Variants in CAMTA1 observed in about 807,000 individuals in gnomAD.
The protein encoded by CAMTA1 is calmodulin binding transcription activator 1, also known as calmodulin-binding transcription activator 1.
A neutral mutation model predicts 170.9 loss-of-function variants in CAMTA1; 27 were observed. That is an observed-to-expected ratio of 0.16 (90% CI 0.12 to 0.22). The LOEUF is 0.22. Among genes scored for constraint, CAMTA1 ranks in the 10% least tolerant of loss-of-function variants. The pLI, the probability that CAMTA1 is intolerant of heterozygous loss-of-function variation, is 1.00. For synonymous variants in CAMTA1, 833 were observed against 891.5 expected (o/e 0.93, Z 1.17); for missense variants, 1,619 against 2,217.2 (o/e 0.73, Z 5.42).
chr1:7,255,900 T>A (rs191998358), intron 5 of CAMTA1, among the ~76,000 whole-genome samples: 1 of 152,322 alleles, frequency 6.6e-6, no homozygotes, highest in African/African-American at 2.4e-5. Context: ...AGGTCTTTGG[T>A]TTCAGAAGTG....
intron 3 of CAMTA1, among the ~76,000 whole-genome samples, chr1:6,830,067 C>T (rs1423117823): frequency 1.3e-5 from 2 of 150,460 alleles, no homozygotes; most frequent in East Asian, 3.9e-4. Context: ...GACGGAGTCT[C>T]GCTCTGTCGC....
intron 5 of CAMTA1, among the ~76,000 whole-genome samples, chr1:7,386,539 T>C (rs927549194): frequency 6.6e-6 from 1 of 152,150 alleles, no homozygotes; most frequent in African/African-American, 2.4e-5. Flanking sequence ...GTTCTTGGCC[T>C]TCTCTCTCCA....
At chr1:7,586,343 G>A (rs114671887) in intron 6 of CAMTA1, among the ~76,000 whole-genome samples, 1 of 152,174 alleles carries the variant, frequency 6.6e-6, no homozygotes, top group African/African-American at 2.4e-5. Flanking sequence ...AGTCCTCCCC[G>A]TTATCGCAGA....
chr1:6,802,783 G>A (rs1464164782), intron 1 of CAMTA1, among the ~76,000 whole-genome samples: 1 of 151,622 alleles, frequency 6.6e-6, no homozygotes, highest in African/African-American at 2.4e-5. Context: ...CGCCCAGGCT[G>A]GAGTGCAGTA....
intron 6 of CAMTA1, among the ~76,000 whole-genome samples, chr1:7,550,777 ACC>A (rs2094789855): frequency 1.2e-5 from 1 of 86,584 alleles, no homozygotes; most frequent in African/African-American, 4.7e-5. Context: ...GCCCTCTCCT[ACC>A]TGACCGTCTT....
chr1:7,132,422 G>GT lies in CAMTA1; in HGVS notation c.302+41052dup, dbSNP rs1312461235. On this transcript the variant is annotated intron_variant, in intron 4 of 22. Coordinates refer to ENST00000303635, the MANE Select transcript of CAMTA1 (RefSeq NM_015215.4). ...CCTGGGTAGCTAGGACTACAGGTGT[G>GT]TATCACCATGCTCGGCTGATTTTTG... Among the ~76,000 whole-genome samples, 5 of 152,254 alleles carry GT rather than the reference G, an allele frequency of 3.3e-5. No individual in the cohort carries two copies. The South Asian group carries it at 1.0e-3, about 32-fold the overall frequency.
chr1:7,653,160 C>T (rs1377561226), intron 7 of CAMTA1, among the ~76,000 whole-genome samples: 1 of 152,160 alleles, frequency 6.6e-6, no homozygotes, highest in Non-Finnish European at 1.5e-5. Context: ...TCTAGTGCTG[C>T]GGGGGCCACA....
intron 6 of CAMTA1, among the ~76,000 whole-genome samples, chr1:7,543,361 T>C (rs1330844464): frequency 6.6e-6 from 1 of 152,158 alleles, no homozygotes; most frequent in Non-Finnish European, 1.5e-5. Context: ...CCTTTTCCCA[T>C]TTGCACTGAG....
intron 3 of CAMTA1, among the ~76,000 whole-genome samples, chr1:6,876,857 G>C (rs1201669702): frequency 6.6e-6 from 1 of 152,166 alleles, no homozygotes; most frequent in Non-Finnish European, 1.5e-5. Context: ...TCACTGAATA[G>C]TACAGAATGT....
Position 7,443,691 on chromosome 1 carries a change from T to C in CAMTA1, c.439-24139T>C, listed in dbSNP as rs1269016919. Among the ~76,000 whole-genome samples, 1 of 151,982 alleles carries C rather than the reference T, an allele frequency of 6.6e-6. No homozygotes were observed. The highest frequency in any genetic ancestry group is 6.6e-5 in the Admixed American group (1 of 15,264). On this transcript the variant is annotated intron_variant, in intron 5 of 22. Transcript: ENST00000303635. This position sits in a 1 kb window ranked among gnomAD's most constrained non-coding sequence, Gnocchi z 4.1. ...GGCCCAGAGCCTGGGGCATTCTGGGTGAGCTGATGCCAGAGGTGGGTTTTG... is the reference window on the plus strand; with the variant it reads ...GGCCCAGAGCCTGGGGCATTCTGGGCGAGCTGATGCCAGAGGTGGGTTTTG...
At chr1:6,863,156 TGGA>T (rs1665389326) in intron 3 of CAMTA1, among the ~76,000 whole-genome samples, 3 of 152,196 alleles carry the variant, frequency 2.0e-5, no homozygotes, top group Admixed American at 1.3e-4. Flanking sequence ...GTGTGTATGG[TGGA>T]GGAGAGGAGT....
At chr1:6,891,974 C>G (rs1674592649) in intron 3 of CAMTA1, among the ~76,000 whole-genome samples, 1 of 152,164 alleles carries the variant, frequency 6.6e-6, no homozygotes, top group African/African-American at 2.4e-5. Context: ...ACTGCACAGC[C>G]AGAGTTAGAG....
rs1039941125 is a variant in CAMTA1, at chr1:7,050,116, T to C, written c.235-41188T>C. On this transcript the variant is annotated intron_variant, in intron 3 of 22. Coordinates refer to ENST00000303635, the MANE Select transcript of CAMTA1 (RefSeq NM_015215.4). This position sits in a 1 kb window ranked among gnomAD's most constrained non-coding sequence, Gnocchi z 4.8. ...AGTGTTTGAAGGTCAGCCGGGAGAC[T>C]GCGAGGCAGGAGCTGGTGGAGAGAG... Among the ~76,000 whole-genome samples, 1 of 152,094 alleles carries C rather than the reference T, an allele frequency of 6.6e-6. No homozygotes were observed. The highest frequency in any genetic ancestry group is 2.4e-5 in the African/African-American group (1 of 41,420).
At chr1:7,319,926 G>A (rs1236521738) in intron 5 of CAMTA1, among the ~76,000 whole-genome samples, 1 of 152,042 alleles carries the variant, frequency 6.6e-6, no homozygotes, top group Non-Finnish European at 1.5e-5. Context: ...ACGGAGAAAT[G>A]CAATTCTTTT....
intron 5 of CAMTA1, among the ~76,000 whole-genome samples, chr1:7,374,139 C>T (rs568137818): frequency 1.4e-4 from 21 of 152,328 alleles, no homozygotes; most frequent in African/African-American, 4.3e-4. Context: ...AGGAAGCAGC[C>T]GGGCCCCTGA....
At position 7,062,168 on chromosome 1, in the gene CAMTA1, A is replaced by G. The variant is rs568586156; in HGVS notation, c.235-29136A>G. 2.0e-5 allele frequency among the ~76,000 whole-genome samples: 3 copies of G among 152,132 alleles called. No homozygotes were observed. The East Asian group carries it at 5.8e-4, about 30-fold the overall frequency. ...CCTGACCTCAGGCGATCCACCCGCCATGGCCTCCCAAAGTGCTGGGATTAC... is the reference window on the plus strand; with the variant it reads ...CCTGACCTCAGGCGATCCACCCGCCGTGGCCTCCCAAAGTGCTGGGATTAC... On this transcript the variant is annotated intron_variant, in intron 3 of 22. Transcript: ENST00000303635.
intron 5 of CAMTA1, among the ~76,000 whole-genome samples, chr1:7,449,298 C>T (rs1436470785): frequency 6.6e-6 from 1 of 152,234 alleles, no homozygotes; most frequent in Non-Finnish European, 1.5e-5. Flanking sequence ...GGCCAAGCAA[C>T]ATTTTTCTGA....
At chr1:7,662,072 C>T (rs565767852) in intron 8 of CAMTA1, among the ~76,000 whole-genome samples, 6 of 152,366 alleles carry the variant, frequency 3.9e-5, no homozygotes, top group African/African-American at 9.6e-5. Context: ...GCTGGCAGTC[C>T]GCTCTGGGCA....
chr1:6,869,145 T>A (rs1212022408), intron 3 of CAMTA1, among the ~76,000 whole-genome samples: 1 of 152,168 alleles, frequency 6.6e-6, no homozygotes, highest in Non-Finnish European at 1.5e-5. Context: ...CCATTCATAG[T>A]CATGAGCTGA....
Sources: allele counts gnomAD v4.1 joint callset (sites outside exome capture counted in the v4.1 genomes callset), GRCh38; gene constraint gnomAD v4.1.1; non-coding constraint Gnocchi (gnomAD v3.1); transcripts MANE v1.5; gene names NCBI Gene and HGNC (gene_info 2026-07-23, HGNC 2026-07-21).